Variants in RASAL2 observed in about 807,000 individuals in gnomAD.
The protein encoded by RASAL2 is RAS protein activator like 2, also known as ras GTPase-activating protein nGAP.
A neutral mutation model predicts 128.9 loss-of-function variants in RASAL2; 58 were observed. The ratio of observed to expected loss-of-function variants is 0.45; its 90% confidence interval spans 0.36 to 0.56. The LOEUF is 0.56. RASAL2 is among the 20% of genes least tolerant of loss of function. The probability of loss-of-function intolerance (pLI) is 0.00; values close to 1 mark genes in which losing one functional copy is unlikely to be tolerated. For missense variants in RASAL2, 1,360 were observed against 1,601.6 expected (o/e 0.85, Z 2.57); for synonymous variants, 561 against 580.8 (o/e 0.97, Z 0.49).
chr1:178,242,908 G>A (rs139484393), intron 1 of RASAL2, among the ~76,000 whole-genome samples: 257 of 152,114 alleles, frequency 1.7e-3, no homozygotes, highest in Non-Finnish European at 2.2e-3. Flanking sequence ...TTTGTTTCCA[G>A]ATAATTTCTA....
intron 1 of RASAL2, among the ~76,000 whole-genome samples, chr1:178,148,236 G>T (rs1660796577): frequency 6.6e-6 from 1 of 151,374 alleles, no homozygotes; most frequent in Non-Finnish European, 1.5e-5. Context: ...AGGGATTAAA[G>T]AAGAGATAGA....
At chr1:178,393,168 C>T (rs1673012592) in intron 4 of RASAL2, among the ~76,000 whole-genome samples, 1 of 152,130 alleles carries the variant, frequency 6.6e-6, no homozygotes, top group African/African-American at 2.4e-5. Flanking sequence ...TTCCACGGAC[C>T]AGGGTTGGGT....
At chr1:178,180,104 T>C (rs1025547447) in intron 1 of RASAL2, among the ~76,000 whole-genome samples, 17 of 152,142 alleles carry the variant, frequency 1.1e-4, no homozygotes, top group Non-Finnish European at 2.1e-4. Flanking sequence ...ATCCTGTCGT[T>C]GTATGTAGCT....
chr1:178,338,918 G>A (rs978744426), intron 3 of RASAL2, among the ~76,000 whole-genome samples: 2 of 152,172 alleles, frequency 1.3e-5, no homozygotes, highest in African/African-American at 4.8e-5. Context: ...ACATGGTAAG[G>A]GTGGGGTGGC....
chr1:178,240,696 A>G (rs1341894851), intron 1 of RASAL2, among the ~76,000 whole-genome samples: 1 of 151,822 alleles, frequency 6.6e-6, no homozygotes, highest in Non-Finnish European at 1.5e-5. Context: ...AATTTACATT[A>G]TAATTGTAAC....
intron 9 of RASAL2, among the ~76,000 whole-genome samples, chr1:178,447,739 G>A (rs1172917618): frequency 7.0e-6 from 1 of 142,734 alleles, no homozygotes; most frequent in Non-Finnish European, 1.5e-5. Flanking sequence ...CTGAATGACT[G>A]TAATCATGCA....
At chr1:178,119,486 C>A (rs1194970877) in intron 1 of RASAL2, among the ~76,000 whole-genome samples, 1 of 152,194 alleles carries the variant, frequency 6.6e-6, no homozygotes, top group Non-Finnish European at 1.5e-5. Flanking sequence ...ATGGATGATA[C>A]ACTGCATAGA....
At chr1:178,225,009 T>C (rs1255559534) in intron 1 of RASAL2, among the ~76,000 whole-genome samples, 2 of 152,172 alleles carry the variant, frequency 1.3e-5, no homozygotes, top group Non-Finnish European at 2.9e-5. Context: ...AATGCTAATT[T>C]AAGCAGGTCA....
At position 178,145,570 on chromosome 1, in the gene RASAL2, A is replaced by AAAT. The variant is rs10690864; in HGVS notation, c.202+50876_202+50877insAAT. On this transcript the variant is annotated intron_variant, in intron 1 of 17. Coordinates refer to ENST00000367649, the MANE Select transcript of RASAL2 (RefSeq NM_170692.4). Reference sequence around the variant, plus strand: ...TGACTTTGACAAAAAAAAAAAAAAAAGGGGGAGTATATTAGTTTTAAGTTT... The same window carrying AAAT: ...TGACTTTGACAAAAAAAAAAAAAAAAAATGGGGGAGTATATTAGTTTTAAGTTT... Among the ~76,000 whole-genome samples the AAAT allele has an allele frequency of 3.7e-4, 55 of 149,866 alleles. 1 individual carries two copies. Among genetic ancestry groups the AAAT allele is most frequent in the African/African-American group, 1.3e-3 (55 of 40,918 alleles).
At chr1:178,348,990 G>A (rs936029571) in intron 3 of RASAL2, among the ~76,000 whole-genome samples, 27 of 150,986 alleles carry the variant, frequency 1.8e-4, no homozygotes, top group Non-Finnish European at 1.0e-4. Flanking sequence ...TAGTGGAGAC[G>A]GGCTTTCAAC....
intron 3 of RASAL2, among the ~76,000 whole-genome samples, chr1:178,322,085 G>C (rs1278785841): frequency 6.6e-6 from 1 of 151,628 alleles, no homozygotes; most frequent in Non-Finnish European, 1.5e-5. Context: ...CTCCCACCTC[G>C]GCCTCCCAAA....
intron 1 of RASAL2, among the ~76,000 whole-genome samples, chr1:178,217,294 G>T (rs1663454086): frequency 6.6e-6 from 1 of 152,092 alleles, no homozygotes; most frequent in Non-Finnish European, 1.5e-5. Context: ...TTATTTTTTA[G>T]AGTGCTATTT....
chr1:178,242,422 ATT>A (rs1664540951), intron 1 of RASAL2, among the ~76,000 whole-genome samples: 1 of 91,958 alleles, frequency 1.1e-5, no homozygotes, highest in African/African-American at 4.0e-5. Context: ...TTTATAATTC[ATT>A]CTCTCTCTCT....
At chr1:178,312,583 A>G (rs1223270433) in intron 3 of RASAL2, among the ~76,000 whole-genome samples, 2 of 152,206 alleles carry the variant, frequency 1.3e-5, no homozygotes, top group Non-Finnish European at 2.9e-5. Context: ...GATCTAGCAC[A>G]GGGGAGAGAA....
In RASAL2 at chr1:178,312,898, C is replaced by A. The variant is rs569878751; in HGVS notation, c.457+12780C>A. Among the ~76,000 whole-genome samples the A allele has an allele frequency of 8.5e-5, 13 of 152,252 alleles. No individual in the cohort carries two copies. The East Asian group carries it at 2.5e-3, about 29-fold the overall frequency. On this transcript the variant is annotated intron_variant, in intron 3 of 17. Coordinates refer to ENST00000367649, the MANE Select transcript of RASAL2 (RefSeq NM_170692.4). ...CTATAGCACTTTTTATCATATTGGG[C>A]ACTTTACATATATGAATTTTTTAAT...
At chr1:178,296,109 ATG>A (rs1287172725) in intron 2 of RASAL2, among the ~76,000 whole-genome samples, 2 of 149,684 alleles carry the variant, frequency 1.3e-5, no homozygotes, top group African/African-American at 5.0e-5. Context: ...ATGTGTATAT[ATG>A]TGTGTATATA....
At chr1:178,285,266 G>A (rs575439477) in intron 2 of RASAL2, among the ~76,000 whole-genome samples, 5 of 151,130 alleles carry the variant, frequency 3.3e-5, no homozygotes, top group African/African-American at 9.7e-5. Flanking sequence ...GACTACAGGC[G>A]CCCGCCACCG....
rs140667084 is a variant in RASAL2, at chr1:178,309,185, G to A, written c.457+9067G>A. Reference sequence around the variant, plus strand: ...AATCTTTATAAAAAATAATATCCTGGTATTTCTAGCTCTGAAAGTTGGAGC... The same window carrying A: ...AATCTTTATAAAAAATAATATCCTGATATTTCTAGCTCTGAAAGTTGGAGC... On this transcript the variant is annotated intron_variant, in intron 3 of 17. Transcript: ENST00000367649. 1.7e-3 allele frequency among the ~76,000 whole-genome samples: 261 copies of A among 152,062 alleles called. 2 individuals carry two copies. The highest frequency in any genetic ancestry group is 6.1e-3 in the African/African-American group (253 of 41,478).
intron 1 of RASAL2, among the ~76,000 whole-genome samples, chr1:178,127,851 A>G (rs909066359): frequency 2.0e-5 from 3 of 152,100 alleles, no homozygotes; most frequent in Non-Finnish European, 4.4e-5. Context: ...CTTTTTAAAG[A>G]ATAGAAGTTT....
Sources: gnomAD v4.1 joint callset for allele counts (sites outside exome capture counted in the v4.1 genomes callset) on GRCh38, gnomAD v4.1.1 for gene constraint, MANE v1.5 for transcripts, NCBI Gene and HGNC (gene_info 2026-07-23, HGNC 2026-07-21) for gene names.